Variants in RCC1 observed in about 807,000 individuals in gnomAD.
RCC1 encodes the protein regulator of chromosome condensation.
A neutral mutation model predicts 44.4 loss-of-function variants in RCC1; 11 were observed. The observed-to-expected ratio is 0.25, with a 90% CI of 0.16 to 0.41. The LOEUF (loss-of-function observed/expected upper bound fraction) is 0.41. Among genes scored for constraint, RCC1 ranks in the 10% least tolerant of loss-of-function variants. The probability of loss-of-function intolerance (pLI) is 1.00; values close to 1 mark genes in which losing one functional copy is unlikely to be tolerated. For synonymous variants in RCC1, 213 were observed against 216.5 expected (o/e 0.98, Z 0.14); for missense variants, 386 against 547.1 (o/e 0.71, Z 2.94).
chr1:28,525,368 G>T (rs566645170), intron 4 of RCC1, among the ~76,000 whole-genome samples: 1 of 152,108 alleles, frequency 6.6e-6, no homozygotes, highest in Admixed American at 6.6e-5. Flanking sequence ...TATGAGGGGT[G>T]GTCTCCTCCC....
At chr1:28,523,396 C>T (rs1294579419) in intron 4 of RCC1, among the ~76,000 whole-genome samples, 2 of 152,154 alleles carry the variant, frequency 1.3e-5, no homozygotes, top group South Asian at 2.1e-4. Flanking sequence ...GCCTTCTCTT[C>T]CAATCTTGAG....
intron 4 of RCC1, among the ~76,000 whole-genome samples, chr1:28,525,565 C>T (rs1663592567): frequency 6.6e-6 from 1 of 152,148 alleles, no homozygotes; most frequent in Non-Finnish European, 1.5e-5. Flanking sequence ...AAAGAATGTG[C>T]ACTTTTTAGT....
chr1:28,518,566 C>T (rs1380105294), intron 4 of RCC1: 4 of 149,192 alleles, frequency 2.7e-5, no homozygotes, highest in Non-Finnish European at 6.0e-5. Context: ...TCCGCCGCCG[C>T]GCCTCTCACG....
intron 5 of RCC1, among the ~76,000 whole-genome samples, chr1:28,530,157 CAAAA>C (rs71805038): frequency 2.5e-5 from 3 of 119,076 alleles, no homozygotes; most frequent in African/African-American, 3.1e-5. Context: ...AGCACTGGCA[CAAAA>C]AAAAAAAAAA....
intron 7 of RCC1, 95 bp downstream of exon 7, chr1:28,532,445 T>C (rs1168279844): frequency 1.5e-6 from 2 of 1,359,158 alleles, no homozygotes; most frequent in Non-Finnish European, 2.0e-6. Flanking sequence ...CCATGGTACT[T>C]ACTGGTGGGG....
At chr1:28,514,216 C>T (rs1662732343) in intron 3 of RCC1, among the ~76,000 whole-genome samples, 2 of 151,252 alleles carry the variant, frequency 1.3e-5, no homozygotes, top group South Asian at 4.2e-4. Context: ...TTTGGGAGGC[C>T]GAGGCGGGCG....
chr1:28,518,236 A>G (rs1199529810), intron 4 of RCC1: 1 of 152,052 alleles, frequency 6.6e-6, no homozygotes, highest in Non-Finnish European at 1.5e-5. Context: ...AGAGGCCTGC[A>G]GAGCGCATGC....
intron 5 of RCC1, chr1:28,530,700 C>T (rs1245538204): frequency 3.5e-6 from 4 of 1,148,270 alleles, no homozygotes; most frequent in Non-Finnish European, 4.8e-6. Context: ...GGCTGGGCGC[C>T]ATTGGCTGCC....
At position 28,537,836 on chromosome 1, in the gene RCC1, T is replaced by C. The variant is rs1347984969; in HGVS notation, c.1095T>C (p.Arg365=). The change falls in exon 13 of 13, where the codon CGT becomes CGC. Residue 365 remains arginine, a synonymous_variant. Transcript: ENST00000683442. ...SVGYAVTKDG[R]VFAWGMGTNY... is the part of the protein sequence containing the mutation. ...ACCCATTTCTCTCTCTTGCAGGTCG[T>C]GTTTTCGCCTGGGGCATGGGCACCA... 4 of 1,611,656 alleles carry C rather than the reference T, an allele frequency of 2.5e-6. No homozygotes were observed. Among genetic ancestry groups the C allele is most frequent in the African/African-American group, 1.3e-5 (1 of 74,854 alleles).
intron 3 of RCC1, among the ~76,000 whole-genome samples, chr1:28,511,044 C>G (rs907465422): frequency 4.6e-5 from 7 of 152,174 alleles, no homozygotes; most frequent in Admixed American, 1.3e-4. Context: ...TGCTAAACTT[C>G]AGCTTGCAAT....
chr1:28,511,488 C>G (rs1662537830), intron 3 of RCC1, among the ~76,000 whole-genome samples: 1 of 151,460 alleles, frequency 6.6e-6, no homozygotes, highest in Admixed American at 6.6e-5. Flanking sequence ...GCAAGCTCAG[C>G]CTCCCCAGCA....
In RCC1 at chr1:28,527,202, G is replaced by C. The variant is rs933189255; in HGVS notation, c.-9-2656G>C. ...TCACATGCCGGGCAACTGATGCTCA[G>C]AGTAACCTTCCCACAGCAGCCGCGA... On this transcript the variant is annotated intron_variant, in intron 4 of 12. Coordinates refer to ENST00000683442, the MANE Select transcript of RCC1 (RefSeq NM_001381865.2). 8.1e-6 allele frequency: 8 copies of C among 982,468 alleles called. No homozygotes were observed. The East Asian group carries it at 1.0e-4, about 13-fold the overall frequency. 60.9% of individuals were successfully genotyped at this position (982,468 alleles called of 1,614,324 possible).
At chr1:28,526,458 C>G in intron 4 of RCC1, 2 of 527,782 alleles carry the variant, frequency 3.8e-6, no homozygotes, top group South Asian at 2.2e-5. Flanking sequence ...GCCCAAAGCA[C>G]CATTCTTTCT....
intron 1 of RCC1, chr1:28,507,001 T>G: frequency 6.2e-6 from 1 of 161,736 alleles, no homozygotes; most frequent in Non-Finnish European, 1.3e-5. Context: ...AATTATGCTT[T>G]CTCGTATTTT....
intron 4 of RCC1, among the ~76,000 whole-genome samples, chr1:28,525,098 G>A (rs1243657220): frequency 1.3e-5 from 2 of 152,074 alleles, no homozygotes; most frequent in Non-Finnish European, 2.9e-5. Flanking sequence ...TCTGCATGAA[G>A]AGGTCGTGAT....
Position 28,536,269 on chromosome 1 carries a change from G to A in RCC1, c.825G>A (p.Pro275=), listed in dbSNP as rs140360948. The change falls in exon 11 of 13, where the codon CCG becomes CCA. Residue 275 remains proline, a synonymous_variant. Coordinates refer to ENST00000683442, the MANE Select transcript of RCC1 (RefSeq NM_001381865.2). The surrounding 1 kb of genome is among the most constrained non-coding windows in gnomAD (Gnocchi z 4.9). ...CTCCGGCCTTTCCCCCAGGAACTCC[G>A]GGCACAGAATCTTGCTTCATACCCC... ...GLSNYHQLGT[P]GTESCFIPQN... 209 of 1,613,906 alleles carry A rather than the reference G, an allele frequency of 1.3e-4. 1 individual carries two copies. The African/African-American group carries it at 1.4e-3, about 11-fold the overall frequency.
At chr1:28,521,297 C>T (rs760037379) in intron 4 of RCC1, among the ~76,000 whole-genome samples, 56 of 151,868 alleles carry the variant, frequency 3.7e-4, no homozygotes, top group Non-Finnish European at 6.5e-4. Flanking sequence ...GTCAGGAGAT[C>T]GAGACCATCC....
chr1:28,516,819 A>T lies in RCC1; in HGVS notation c.-58A>T, dbSNP rs1223685182. 1 of 456,686 alleles carries T rather than the reference A, an allele frequency of 2.2e-6. No individual in the cohort carries two copies. Among genetic ancestry groups the T allele is most frequent in the Middle Eastern group, 3.3e-4 (1 of 3,076 alleles). 28.3% of individuals were successfully genotyped at this position (456,686 alleles called of 1,614,324 possible). A position where few individuals can be genotyped will look rare whatever the true frequency, so the allele number is the denominator to read the frequency against. On this transcript the variant is annotated 5_prime_UTR_variant, in exon 4 of 13. Transcript: ENST00000683442. Reference sequence around the variant, plus strand: ...AAAAGTTGGAGAAATTTCACAGTACATCATCCAAAAGAGGAGTCCATGATG... The same window carrying T: ...AAAAGTTGGAGAAATTTCACAGTACTTCATCCAAAAGAGGAGTCCATGATG...
In RCC1 at chr1:28,536,442, C is replaced by G. The variant is rs1570227664; in HGVS notation, c.937+61C>G. ...GAGTGTTCCCTGGCCTAGGCCTAGC[C>G]AGATTCCTGAGACCATGGTCCTTGG... On this transcript the variant is annotated intron_variant, in intron 11 of 12. Coordinates refer to ENST00000683442, the MANE Select transcript of RCC1 (RefSeq NM_001381865.2). This position sits in a 1 kb window ranked among gnomAD's most constrained non-coding sequence, Gnocchi z 4.9. The G allele has an allele frequency of 1.1e-5, 17 of 1,572,844 alleles. No homozygotes were observed. The Admixed American group carries it at 2.9e-4, about 27-fold the overall frequency.
Sources: gnomAD v4.1 joint callset for allele counts (sites outside exome capture counted in the v4.1 genomes callset) on GRCh38, gnomAD v4.1.1 for gene constraint, Gnocchi (gnomAD v3.1) non-coding constraint, MANE v1.5 for transcripts, NCBI Gene and HGNC (gene_info 2026-07-23, HGNC 2026-07-21) for gene names.